TBL1XR1: variants seen among roughly 807,000 people sequenced by gnomAD.
The protein encoded by TBL1XR1 is F-box-like/WD repeat-containing protein TBL1XR1.
Under a neutral mutation model 66.9 loss-of-function variants are expected in TBL1XR1, and 5 were observed. The observed-to-expected ratio is 0.07, with a 90% confidence interval of 0.04 to 0.16. The LOEUF is 0.16. Ranked by LOEUF, TBL1XR1 falls within the 10% of genes least tolerant of loss-of-function variation. The pLI, the probability that TBL1XR1 is intolerant of heterozygous loss-of-function variation, is 1.00. For missense variants in TBL1XR1, 238 were observed against 623.2 expected, an observed-to-expected ratio of 0.38 and a Z score of 6.58; for synonymous variants, 210 against 206.0, an observed-to-expected ratio of 1.02 and a Z score of -0.17.
intron 10 of TBL1XR1, among the ~76,000 whole-genome samples, chr3:177,044,581 G>A (rs997277617): frequency 7.9e-5 from 12 of 151,974 alleles, no homozygotes; most frequent in Admixed American, 7.2e-4. Context: ...TCCTGAGTGC[G>A]GTAATAGTTT....
At chr3:177,150,978 G>T (rs1012541718) in intron 1 of TBL1XR1, among the ~76,000 whole-genome samples, 1 of 152,154 alleles carries the variant, frequency 6.6e-6, no homozygotes, top group African/African-American at 2.4e-5. Flanking sequence ...TTACAAATAA[G>T]GTTATAACTA....
At chr3:177,143,681 A>T (rs1054570671) in intron 1 of TBL1XR1, among the ~76,000 whole-genome samples, 2 of 152,232 alleles carry the variant, frequency 1.3e-5, no homozygotes, top group African/African-American at 4.8e-5. Flanking sequence ...GTAAATGAGC[A>T]AACTTTCAAG....
intron 5 of TBL1XR1, among the ~76,000 whole-genome samples, chr3:177,050,895 T>C (rs1337801202): frequency 6.6e-6 from 1 of 151,998 alleles, no homozygotes. Flanking sequence ...AACGATAAAA[T>C]GGTTTGAATT....
intron 2 of TBL1XR1, among the ~76,000 whole-genome samples, chr3:177,084,102 AG>A (rs11286825): frequency 0.16 from 19,671 of 121,250 alleles, 1,556 homozygotes; most frequent in East Asian, 0.38. Flanking sequence ...AAAAAAAAAA[AG>A]AAAAAAGAAA....
At chr3:177,145,651 A>C (rs1178523322) in intron 1 of TBL1XR1, among the ~76,000 whole-genome samples, 1 of 152,252 alleles carries the variant, frequency 6.6e-6, no homozygotes, top group African/African-American at 2.4e-5. Flanking sequence ...TTCTGGGACT[A>C]TAAAAGCTAA....
At chr3:177,060,241 T>TA (rs1718343102) in intron 3 of TBL1XR1, among the ~76,000 whole-genome samples, 4 of 152,316 alleles carry the variant, frequency 2.6e-5, no homozygotes, top group African/African-American at 9.6e-5. Flanking sequence ...AAGAGAACCC[T>TA]AATACAGATT....
upstream of TBL1XR1, among the ~76,000 whole-genome samples, chr3:177,198,394 CTAAA>C (rs1480620569): frequency 6.6e-6 from 1 of 152,186 alleles, no homozygotes; most frequent in Non-Finnish European, 1.5e-5. Flanking sequence ...TAAATGTTTA[CTAAA>C]TATATACCTG....
chr3:177,097,419 A>T (rs1723638375), intron 2 of TBL1XR1, among the ~76,000 whole-genome samples: 1 of 152,214 alleles, frequency 6.6e-6, no homozygotes, highest in Non-Finnish European at 1.5e-5. Flanking sequence ...TAACAATGAT[A>T]AGCACTTGAC....
intron 10 of TBL1XR1, among the ~76,000 whole-genome samples, chr3:177,043,795 AT>A (rs933454983): frequency 1.3e-5 from 2 of 151,906 alleles, no homozygotes; most frequent in African/African-American, 2.4e-5. Flanking sequence ...TTAATTGGAT[AT>A]TTTTTATGAT....
Position 177,167,914 on chromosome 3 carries a change from G to A in TBL1XR1, c.-122+29207C>T, listed in dbSNP as rs373175648. Among the ~76,000 whole-genome samples the A allele has an allele frequency of 7.9e-5, 12 of 151,680 alleles. No individual in the cohort carries two copies. The East Asian group carries it at 1.0e-3, about 13-fold the overall frequency. ...GCACTACAGCCTGGGCAACAAGAGCGAAACACTGTTTCAAAAAAAACAACA... is the reference window on the plus strand; with the variant it reads ...GCACTACAGCCTGGGCAACAAGAGCAAAACACTGTTTCAAAAAAAACAACA... On this transcript the variant is annotated intron_variant, in intron 1 of 15. Transcript: ENST00000457928.
chr3:177,031,766 A>C (rs1714038591), intron 14 of TBL1XR1, among the ~76,000 whole-genome samples: 1 of 150,668 alleles, frequency 6.6e-6, no homozygotes, highest in Non-Finnish European at 1.5e-5. Context: ...TTTCTATTTA[A>C]AGAAAAACAA....
At position 177,022,336 on chromosome 3, in the gene TBL1XR1, A is replaced by G. The variant is rs1274064611; in HGVS notation, c.*3162T>C. 1 of 152,544 alleles carries G rather than the reference A, an allele frequency of 6.6e-6. No individual in the cohort carries two copies. Among genetic ancestry groups the G allele is most frequent in the African/African-American group, 2.4e-5 (1 of 41,456 alleles). The allele number at this position is 152,544 out of a possible 1,614,324, so 9.4% of individuals were successfully genotyped here. A position where few individuals can be genotyped will look rare whatever the true frequency, so the allele number is the denominator to read the frequency against. On this transcript the variant is annotated 3_prime_UTR_variant, in exon 16 of 16. Transcript: ENST00000457928. ...AAACATACTTACCTAGAGAATAATT[A>G]AAACAGAATTCAATACAATCTAGTA...
At position 177,050,279 on chromosome 3, in the gene TBL1XR1, A is replaced by C; in HGVS notation, c.561-141T>G. ...TCATTTCCAGTATTTTTCCCATTCT[A>C]CACGTTGGGACCCCCAAGCATTCTC... On this transcript the variant is annotated intron_variant, in intron 6 of 15. Transcript: ENST00000457928. The C allele has an allele frequency of 2.4e-6, 3 of 1,265,622 alleles. No individual in the cohort carries two copies. The East Asian group carries it at 7.1e-5, about 30-fold the overall frequency. The allele number at this position is 1,265,622 out of a possible 1,614,324, so 78.4% of individuals were successfully genotyped here.
At chr3:177,165,666 A>G (rs1732737182) in intron 1 of TBL1XR1, among the ~76,000 whole-genome samples, 1 of 152,212 alleles carries the variant, frequency 6.6e-6, no homozygotes, top group African/African-American at 2.4e-5. Flanking sequence ...TAGAAAACTG[A>G]TCTCTGACAA....
chr3:177,161,783 C>CAA (rs35673622), intron 1 of TBL1XR1, among the ~76,000 whole-genome samples: 27 of 128,896 alleles, frequency 2.1e-4, no homozygotes, highest in African/African-American at 7.4e-4. Flanking sequence ...GACTCTGACT[C>CAA]AAAAAAAAAA....
At chr3:177,163,587 A>T (rs1276306448) in intron 1 of TBL1XR1, among the ~76,000 whole-genome samples, 1 of 152,186 alleles carries the variant, frequency 6.6e-6, no homozygotes, top group East Asian at 1.9e-4. Context: ...AAAACACATC[A>T]AAGTGACTAG....
At chr3:177,176,852 C>T (rs377144173) in intron 1 of TBL1XR1, among the ~76,000 whole-genome samples, 33 of 152,130 alleles carry the variant, frequency 2.2e-4, no homozygotes, top group Admixed American at 1.4e-3. Context: ...TGGTGGGGCA[C>T]GTCTGTAGTC....
intron 2 of TBL1XR1, among the ~76,000 whole-genome samples, chr3:177,076,059 C>T (rs1221681183): frequency 6.6e-6 from 1 of 152,194 alleles, no homozygotes; most frequent in Non-Finnish European, 1.5e-5. Flanking sequence ...ATCAAGGTGC[C>T]AGCAGATACA....
chr3:177,100,859 T>G (rs1724111564), intron 1 of TBL1XR1, among the ~76,000 whole-genome samples: 1 of 131,158 alleles, frequency 7.6e-6, no homozygotes, highest in Non-Finnish European at 1.7e-5. Flanking sequence ...TCTTTTTCTT[T>G]GGTTTTTTTT....
Sources: allele counts gnomAD v4.1 joint callset (sites outside exome capture counted in the v4.1 genomes callset), GRCh38; gene constraint gnomAD v4.1.1; transcripts MANE v1.5; gene names NCBI Gene and HGNC (gene_info 2026-07-23, HGNC 2026-07-21).